Variants in TIAM2 observed in about 807,000 individuals in gnomAD.
The protein encoded by TIAM2 is rho guanine nucleotide exchange factor TIAM2.
In TIAM2, 80 loss-of-function variants were observed where a neutral mutation model predicts 152.9. That is an observed-to-expected ratio of 0.52 (90% CI 0.44 to 0.63). TIAM2 has a LOEUF of 0.63. TIAM2 is among the 30% of genes least tolerant of loss of function. The pLI, the probability that TIAM2 is intolerant of heterozygous loss-of-function variation, is 0.00. For synonymous variants in TIAM2, 804 were observed against 838.0 expected (o/e 0.96, Z 0.70); for missense variants, 1,965 against 2,120.1 (o/e 0.93, Z 1.44).
At chr6:155,166,663 T>G (rs1780446219) in intron 9 of TIAM2, among the ~76,000 whole-genome samples, 2 of 152,188 alleles carry the variant, frequency 1.3e-5, no homozygotes, top group Admixed American at 1.3e-4. Context: ...TAAGCACATG[T>G]TATGTGAAAT....
intron 1 of TIAM2, among the ~76,000 whole-genome samples, chr6:155,025,867 C>T (rs1247264180): frequency 8.2e-6 from 1 of 121,416 alleles, no homozygotes; most frequent in Non-Finnish European, 1.7e-5. Flanking sequence ...CACACACACA[C>T]ACACACACAG....
At chr6:155,084,676 A>C (rs910746242) in intron 1 of TIAM2, among the ~76,000 whole-genome samples, 1 of 152,132 alleles carries the variant, frequency 6.6e-6, no homozygotes, top group Non-Finnish European at 1.5e-5. Flanking sequence ...ACTGTGCTCC[A>C]TGTGTATAGG....
At chr6:155,248,324 G>C (rs888719715) in intron 20 of TIAM2, 145 bp downstream of exon 20, 4 of 948,890 alleles carry the variant, frequency 4.2e-6, no homozygotes, top group Non-Finnish European at 6.1e-6. Context: ...GTTAATCTTA[G>C]GTTTCACGTG....
Position 155,147,482 on chromosome 6 carries a change from TTTTATTTA to T in TIAM2, c.1804-616_1804-609del, listed in dbSNP as rs1271586569. ...CCACCACACCCGGCTAATTTTTGTG[TTTTATTTA>T]TTTATTTATTTTTGAGACAGAGTCT... On this transcript the variant is annotated intron_variant, in intron 6 of 26. Transcript: ENST00000682666. Among the ~76,000 whole-genome samples, 4 of 151,644 alleles carry T rather than the reference TTTTATTTA, an allele frequency of 2.6e-5. 1 individual carries two copies. Among genetic ancestry groups the T allele is most frequent in the African/African-American group, 9.7e-5 (4 of 41,254 alleles).
intron 4 of TIAM2, among the ~76,000 whole-genome samples, chr6:155,132,134 G>A (rs1334572984): frequency 6.7e-6 from 1 of 150,280 alleles, no homozygotes; most frequent in Non-Finnish European, 1.5e-5. Context: ...TTGTTGTTTT[G>A]TTATTTGTTT....
intron 2 of TIAM2, among the ~76,000 whole-genome samples, chr6:155,093,106 C>G (rs1201904227): frequency 6.6e-6 from 1 of 152,160 alleles, no homozygotes; most frequent in African/African-American, 2.4e-5. Flanking sequence ...TGGTATCAGA[C>G]AGACCTGGTT....
intron 2 of TIAM2, among the ~76,000 whole-genome samples, chr6:155,122,633 C>T (rs1779194582): frequency 6.6e-6 from 1 of 151,870 alleles, no homozygotes; most frequent in Admixed American, 6.6e-5. Flanking sequence ...AGTTTGTACA[C>T]AGCATAAAAT....
chr6:155,173,199 G>GTGTGTCTGTGTCTGTC (rs141491120), intron 9 of TIAM2, among the ~76,000 whole-genome samples: 17 of 149,656 alleles, frequency 1.1e-4, no homozygotes, highest in African/African-American at 4.0e-4. Context: ...GTGTGTGTGT[G>GTGTGTCTGTGTCTGTC]TGTCTGTCTG....
intron 1 of TIAM2, among the ~76,000 whole-genome samples, chr6:155,025,273 A>C (rs1449870960): frequency 6.6e-6 from 1 of 150,506 alleles, no homozygotes; most frequent in Non-Finnish European, 1.5e-5. Context: ...AGCTCGCTGC[A>C]AGCTCTGCCT....
At chr6:155,170,598 C>T (rs1277437356) in intron 9 of TIAM2, among the ~76,000 whole-genome samples, 2 of 152,078 alleles carry the variant, frequency 1.3e-5, no homozygotes, top group Non-Finnish European at 2.9e-5. Flanking sequence ...AAGACCCCAT[C>T]CCTGAAAAAA....
intron 2 of TIAM2, among the ~76,000 whole-genome samples, chr6:155,095,270 T>TA (rs1298146372): frequency 6.6e-6 from 1 of 152,220 alleles, no homozygotes. Flanking sequence ...ATTGAAGTTT[T>TA]AGGACTCTGT....
chr6:155,162,167 A>T (rs1009691887), intron 7 of TIAM2, among the ~76,000 whole-genome samples: 12 of 152,154 alleles, frequency 7.9e-5, no homozygotes, highest in Non-Finnish European at 1.6e-4. Flanking sequence ...CATGTTGCCC[A>T]GGCTGGTCTC....
intron 16 of TIAM2, among the ~76,000 whole-genome samples, chr6:155,241,902 G>A (rs570129346): frequency 7.2e-5 from 11 of 152,332 alleles, no homozygotes; most frequent in Middle Eastern, 6.8e-3. Flanking sequence ...CTGACATCTT[G>A]AGAATAGTCA....
chr6:155,256,827 C>A lies in TIAM2; in HGVS notation c.4812C>A (p.His1604Gln), dbSNP rs747210993. 2 of 1,614,212 alleles carry A rather than the reference C, an allele frequency of 1.2e-6. No homozygotes were observed. Among genetic ancestry groups the A allele is most frequent in the South Asian group, 2.2e-5 (2 of 91,082 alleles). ...GGATTTCCGAGGACCCAGACGTTCA[C>A]CCCGAGGCTGAGCAGCAGCCTGGCC... ...RLRISEDPDV[H>Q]PEAEQQPGPE... Residue 1604 changes from histidine (H) to glutamine (Q), a missense_variant, in exon 27 of 27, where the codon CAC becomes CAA. By Grantham distance (24) the His-to-Gln change is conservative. Transcript: ENST00000682666.
At chr6:155,032,455 G>A (rs977937251) in intron 1 of TIAM2, among the ~76,000 whole-genome samples, 4 of 152,184 alleles carry the variant, frequency 2.6e-5, no homozygotes, top group African/African-American at 9.7e-5. Flanking sequence ...TCTGTCAAAA[G>A]AATGCAGTAG....
intron 2 of TIAM2, among the ~76,000 whole-genome samples, chr6:155,094,649 A>G (rs1006202358): frequency 6.9e-6 from 1 of 144,522 alleles, no homozygotes; most frequent in Non-Finnish European, 1.5e-5. Flanking sequence ...TCCTGGACCC[A>G]AGCAATCTGC....
chr6:155,085,279 A>G (rs1278926953), intron 1 of TIAM2, among the ~76,000 whole-genome samples: 2 of 152,238 alleles, frequency 1.3e-5, no homozygotes, highest in East Asian at 3.8e-4. Flanking sequence ...TACAATTTGA[A>G]GAAGGCATGA....
At position 155,129,878 on chromosome 6, in the gene TIAM2, A is replaced by G. The variant is rs745833198; in HGVS notation, c.655A>G (p.Ser219Gly). Reference sequence around the variant, plus strand: ...TGTGCCTGAAGCCAGGAGGGGGTCCAGCGCCGATTCCCTGCCCAGCCATCG... The same window carrying G: ...TGTGCCTGAAGCCAGGAGGGGGTCCGGCGCCGATTCCCTGCCCAGCCATCG... ...SPVPEARRGS[S>G]ADSLPSHRPS... The change falls in exon 4 of 27, where the codon AGC becomes GGC. Residue 219 changes from serine (S) to glycine (G), a missense_variant. By Grantham distance (56) the Ser-to-Gly change is moderately conservative (BLOSUM62 0). Coordinates refer to ENST00000682666, the MANE Select transcript of TIAM2 (RefSeq NM_012454.4). The surrounding 1 kb of genome is among the most constrained non-coding windows in gnomAD (Gnocchi z 4.8). 6.2e-7 allele frequency: 1 copy of G among 1,613,808 alleles called. No homozygotes were observed. Among genetic ancestry groups the G allele is most frequent in the South Asian group, 1.1e-5 (1 of 91,088 alleles).
At chr6:155,203,956 T>A (rs773714348) in intron 14 of TIAM2, among the ~76,000 whole-genome samples, 10 of 152,098 alleles carry the variant, frequency 6.6e-5, no homozygotes, top group Non-Finnish European at 1.3e-4. Flanking sequence ...TTCTCAGAGG[T>A]GGTGGCGCTG....
Sources: allele counts gnomAD v4.1 joint callset (sites outside exome capture counted in the v4.1 genomes callset), GRCh38; gene constraint gnomAD v4.1.1; non-coding constraint Gnocchi (gnomAD v3.1); transcripts MANE v1.5; gene names NCBI Gene and HGNC (gene_info 2026-07-23, HGNC 2026-07-21).